Variants in GRM8 observed in about 807,000 individuals in gnomAD.
GRM8 encodes the protein metabotropic glutamate receptor 8.
A neutral mutation model predicts 87.2 loss-of-function variants in GRM8; 47 were observed. The observed-to-expected ratio is 0.54, with a 90% CI of 0.43 to 0.69. GRM8 has a LOEUF of 0.69. Among genes scored for constraint, GRM8 ranks in the 30% least tolerant of loss-of-function variants. GRM8 has a pLI of 0.00. For synonymous variants in GRM8, 396 were observed against 404.5 expected, an observed-to-expected ratio of 0.98 and a Z score of 0.25; for missense variants, 1,019 against 1,139.2, an observed-to-expected ratio of 0.89 and a Z score of 1.52.
At chr7:126,712,964 G>A (rs1175775735) in intron 7 of GRM8, among the ~76,000 whole-genome samples, 1 of 152,082 alleles carries the variant, frequency 6.6e-6, no homozygotes, top group Non-Finnish European at 1.5e-5. Context: ...GTGAGGATGT[G>A]GAAAAATAGG....
At chr7:127,247,885 T>C (rs1798660810) in intron 1 of GRM8, among the ~76,000 whole-genome samples, 2 of 152,164 alleles carry the variant, frequency 1.3e-5, no homozygotes, top group South Asian at 2.1e-4. Flanking sequence ...GCAAGTTGAG[T>C]GACTTTTTTT....
chr7:126,638,966 G>A (rs146520935), intron 7 of GRM8, among the ~76,000 whole-genome samples: 7 of 152,198 alleles, frequency 4.6e-5, no homozygotes, highest in African/African-American at 1.7e-4. Context: ...TCCACCTCAC[G>A]TGCCACTGAA....
intron 1 of GRM8, among the ~76,000 whole-genome samples, chr7:127,248,192 A>G (rs2078650884): frequency 6.6e-6 from 1 of 152,216 alleles, no homozygotes; most frequent in South Asian, 2.1e-4. Context: ...AGATAAGAAG[A>G]GAGAAAGTGG....
At chr7:126,818,682 T>G (rs140975116) in intron 6 of GRM8, among the ~76,000 whole-genome samples, 111 of 152,352 alleles carry the variant, frequency 7.3e-4, no homozygotes, top group African/African-American at 2.6e-3. Context: ...CTTGGCACTG[T>G]GATGAACCAA....
At chr7:126,489,086 G>C (rs1807701386) in intron 9 of GRM8, among the ~76,000 whole-genome samples, 1 of 151,822 alleles carries the variant, frequency 6.6e-6, no homozygotes, top group South Asian at 2.1e-4. Flanking sequence ...GGAAATAGAA[G>C]ATCTAAATTT....
At chr7:126,511,080 G>C (rs775863196) in intron 9 of GRM8, 8 of 152,120 alleles carry the variant, frequency 5.3e-5, no homozygotes, top group Non-Finnish European at 1.2e-4. Flanking sequence ...TGAGAAGTCT[G>C]CCTTTTCTTT....
At chr7:127,086,266 A>C (rs1265439223) in intron 3 of GRM8, among the ~76,000 whole-genome samples, 1 of 151,978 alleles carries the variant, frequency 6.6e-6, no homozygotes, top group East Asian at 1.9e-4. Context: ...ACACCCATCT[A>C]ATTTTTTGTA....
chr7:126,959,104 G>T (rs536162604), intron 3 of GRM8, among the ~76,000 whole-genome samples: 2 of 152,244 alleles, frequency 1.3e-5, no homozygotes, highest in Admixed American at 1.3e-4. Context: ...GTAACCCTGG[G>T]AAAAAGACTT....
intron 2 of GRM8, among the ~76,000 whole-genome samples, chr7:127,156,220 T>A (rs1792720385): frequency 6.6e-6 from 1 of 152,152 alleles, no homozygotes; most frequent in African/African-American, 2.4e-5. Context: ...CTCTTTGCTC[T>A]GTACAACTTC....
chr7:127,015,234 A>T (rs1422727179), intron 3 of GRM8, among the ~76,000 whole-genome samples: 1 of 137,474 alleles, frequency 7.3e-6, no homozygotes, highest in African/African-American at 2.9e-5. Flanking sequence ...AAGAAGAAGA[A>T]GAAGAAGAAG....
intron 3 of GRM8, among the ~76,000 whole-genome samples, chr7:126,980,160 C>A (rs1811378965): frequency 6.6e-6 from 1 of 152,154 alleles, no homozygotes; most frequent in African/African-American, 2.4e-5. Flanking sequence ...TCAGAGTATG[C>A]AAGGGTTTAT....
At chr7:126,797,321 G>C (rs1401960499) in intron 6 of GRM8, among the ~76,000 whole-genome samples, 2 of 152,066 alleles carry the variant, frequency 1.3e-5, no homozygotes, top group African/African-American at 4.8e-5. Context: ...GGCTTAAACT[G>C]AATGGCCTAA....
At chr7:126,652,871 T>C in intron 7 of GRM8, among the ~76,000 whole-genome samples, 1 of 152,160 alleles carries the variant, frequency 6.6e-6, no homozygotes. Flanking sequence ...TCTAACAGGC[T>C]TAAGGCTAAC....
chr7:126,529,509 T>C (rs1431362471), intron 9 of GRM8, among the ~76,000 whole-genome samples: 1 of 152,234 alleles, frequency 6.6e-6, no homozygotes, highest in East Asian at 1.9e-4. Flanking sequence ...CTATGCATCC[T>C]GAGGCCACTG....
At chr7:126,474,607 G>A (rs1000092317) in intron 9 of GRM8, among the ~76,000 whole-genome samples, 2 of 152,140 alleles carry the variant, frequency 1.3e-5, no homozygotes, top group African/African-American at 4.8e-5. Context: ...TGTTCATCCT[G>A]AAAAGACTTT....
chr7:127,248,486 T>A (rs923992158), intron 1 of GRM8, among the ~76,000 whole-genome samples: 4 of 152,176 alleles, frequency 2.6e-5, no homozygotes, highest in Non-Finnish European at 5.9e-5. Context: ...GGGAGTGAGA[T>A]GTTCTAGAGT....
intron 3 of GRM8, among the ~76,000 whole-genome samples, chr7:126,989,264 A>G (rs1022219017): frequency 6.6e-6 from 1 of 152,060 alleles, no homozygotes; most frequent in African/African-American, 2.4e-5. Flanking sequence ...AAATTTCCTA[A>G]ATTCTCTTAA....
At chr7:126,910,841 G>A (rs961405039) in intron 3 of GRM8, among the ~76,000 whole-genome samples, 1 of 152,108 alleles carries the variant, frequency 6.6e-6, no homozygotes, top group African/African-American at 2.4e-5. Context: ...GTATTGATTT[G>A]CTAGTGCATA....
At chr7:126,971,838 C>A (rs1227272922) in intron 3 of GRM8, among the ~76,000 whole-genome samples, 1 of 152,084 alleles carries the variant, frequency 6.6e-6, no homozygotes, top group African/African-American at 2.4e-5. Flanking sequence ...CAGAAAGACC[C>A]AGGAGGAAAT....
Sources: gnomAD v4.1 joint callset for allele counts (sites outside exome capture counted in the v4.1 genomes callset) on GRCh38, gnomAD v4.1.1 for gene constraint, MANE v1.5 for transcripts, NCBI Gene and HGNC (gene_info 2026-07-23, HGNC 2026-07-21) for gene names.